MKRN2OS: variants seen among roughly 807,000 people sequenced by gnomAD.
MKRN2OS encodes the protein MKRN2 opposite strand protein.
Under a neutral mutation model 18.2 loss-of-function variants are expected in MKRN2OS, and 17 were observed. That is an observed-to-expected ratio of 0.93 (90% CI 0.64 to 1.40). The LOEUF is 1.40. MKRN2OS is among the 40% of genes most tolerant of loss of function. The probability of loss-of-function intolerance (pLI) is 0.00; values close to 1 mark genes in which losing one functional copy is unlikely to be tolerated. For missense variants in MKRN2OS, 337 were observed against 283.0 expected, an observed-to-expected ratio of 1.19 and a Z score of -1.37; for synonymous variants, 121 against 108.5, an observed-to-expected ratio of 1.12 and a Z score of -0.72.
intron 1 of MKRN2OS, chr3:12,557,070 T>TGGGCC (rs2057979102): frequency 7.7e-7 from 1 of 1,306,134 alleles, no homozygotes; most frequent in African/African-American, 1.5e-5. Context: ...CTACGCGGGA[T>TGGGCC]GGGCCGGGCC....
At chr3:12,545,021 C>T (rs1004825652) in intron 1 of MKRN2OS, among the ~76,000 whole-genome samples, 3 of 151,182 alleles carry the variant, frequency 2.0e-5, no homozygotes, top group African/African-American at 7.3e-5. Context: ...CAGGTTTACT[C>T]TTCATATATT....
At chr3:12,543,121 A>G in intron 2 of MKRN2OS, 59 bp downstream of exon 2, 1 of 1,391,484 alleles carries the variant, frequency 7.2e-7, no homozygotes, top group African/African-American at 1.4e-5. Flanking sequence ...AATCTCCACA[A>G]ATACTGCTTT....
upstream of MKRN2OS, among the ~76,000 whole-genome samples, chr3:12,547,592 T>G (rs1474959997): frequency 6.6e-6 from 1 of 152,092 alleles, no homozygotes; most frequent in Non-Finnish European, 1.5e-5. Flanking sequence ...GAAATTTGTG[T>G]TTTTGCCTCA....
intron 1 of MKRN2OS, among the ~76,000 whole-genome samples, chr3:12,556,186 GT>G (rs1408702747): frequency 6.6e-6 from 1 of 152,104 alleles, no homozygotes; most frequent in Non-Finnish European, 1.5e-5. Context: ...CAGAAGACCA[GT>G]TAAAAGGCTA....
chr3:12,557,055 C>G, intron 1 of MKRN2OS: 4 of 1,179,928 alleles, frequency 3.4e-6, no homozygotes, highest in Non-Finnish European at 4.4e-6. Flanking sequence ...GCCGGCGTGA[C>G]GCGGCTACGC....
chr3:12,542,553 GTGCCTCACC>G, intron 2 of MKRN2OS, among the ~76,000 whole-genome samples: 2 of 151,938 alleles, frequency 1.3e-5, no homozygotes, highest in African/African-American at 4.8e-5. Context: ...GCCTGGGTAG[GTGCCTCACC>G]TGCCTCACCA....
At chr3:12,552,778 T>C (rs1214876442), downstream of MKRN2OS, among the ~76,000 whole-genome samples, 1 of 151,858 alleles carries the variant, frequency 6.6e-6, no homozygotes, top group African/African-American at 2.4e-5. Flanking sequence ...ATCCTAGCAC[T>C]TTGGGAGGCC....
upstream of MKRN2OS, among the ~76,000 whole-genome samples, chr3:12,548,384 C>G (rs9861662): frequency 1.2e-4 from 18 of 144,932 alleles, no homozygotes; most frequent in African/African-American, 1.7e-4. Flanking sequence ...GGAGGCGGAG[C>G]TTGCAGTGAG....
intron 1 of MKRN2OS, among the ~76,000 whole-genome samples, chr3:12,555,355 T>A (rs1228974894): frequency 1.3e-5 from 2 of 149,210 alleles, no homozygotes. Flanking sequence ...TGAGCATGAA[T>A]TGCATGGATC....
chr3:12,551,352 G>A (rs144260800), downstream of MKRN2OS, among the ~76,000 whole-genome samples: 36 of 151,832 alleles, frequency 2.4e-4, no homozygotes, highest in African/African-American at 7.2e-4. Context: ...AAATTAGCCC[G>A]GGTGTGATGG....
intron 1 of MKRN2OS, 48 bp from the exon 2 acceptor site, chr3:12,543,277 T>C (rs2057841111): frequency 6.8e-7 from 1 of 1,478,248 alleles, no homozygotes. Flanking sequence ...GTATTTGGCA[T>C]GAAGAATTGG....
At chr3:12,549,209 C>G (rs541910244), upstream of MKRN2OS, among the ~76,000 whole-genome samples, 1 of 152,058 alleles carries the variant, frequency 6.6e-6, no homozygotes, top group African/African-American at 2.4e-5. Context: ...TCCCAAAGTG[C>G]TGGGATTACA....
At chr3:12,547,862 T>C (rs2057897743), upstream of MKRN2OS, among the ~76,000 whole-genome samples, 1 of 152,168 alleles carries the variant, frequency 6.6e-6, no homozygotes, top group Admixed American at 6.5e-5. Flanking sequence ...TCTCCAGTGT[T>C]ATAACATGAG....
chr3:12,552,419 T>TA (rs1313090353), downstream of MKRN2OS, among the ~76,000 whole-genome samples: 2 of 150,470 alleles, frequency 1.3e-5, no homozygotes, highest in Non-Finnish European at 3.0e-5. Context: ...TTTTAATTTT[T>TA]TTTTTTTTTT....
At chr3:12,548,461 AAAAAAAAAAAAAAAAAAAAAAC>A (rs1182827308), upstream of MKRN2OS, among the ~76,000 whole-genome samples, 1 of 42,006 alleles carries the variant, frequency 2.4e-5, no homozygotes, top group Non-Finnish European at 4.3e-5. Context: ...AAAAAAAAAA[AAAAAAAAAAAAAAAAAAAAAAC>A]CAGCCGAGCG....
intron 1 of MKRN2OS, among the ~76,000 whole-genome samples, chr3:12,559,650 G>A (rs143131513): frequency 6.6e-6 from 1 of 152,078 alleles, no homozygotes; most frequent in Non-Finnish European, 1.5e-5. Context: ...TGCCTGGAGT[G>A]GTAAAAATGA....
intron 1 of MKRN2OS, among the ~76,000 whole-genome samples, chr3:12,558,507 C>T (rs1053503783): frequency 1.3e-5 from 2 of 152,154 alleles, no homozygotes; most frequent in African/African-American, 4.8e-5. Flanking sequence ...TCCCGTACCT[C>T]ATCTAAGAAG....
In MKRN2OS at chr3:12,539,878, C is replaced by T. The variant is rs1421977421; in HGVS notation, c.*315G>A. The T allele has an allele frequency of 2.9e-5, 9 of 312,500 alleles. No individual in the cohort carries two copies. The highest frequency in any genetic ancestry group is 2.7e-4 in the East Asian group (4 of 14,894). 19.4% of individuals were successfully genotyped at this position (312,500 alleles called of 1,614,324 possible). A position where few individuals can be genotyped will look rare whatever the true frequency, so the allele number is the denominator to read the frequency against. ...TCAACTCATCCCAACCTCCGCCTCC[C>T]GGGTTCAAGCGATTCTCCTGCTTCA... On this transcript the variant is annotated 3_prime_UTR_variant, in exon 4 of 4. Transcript: ENST00000564146.
downstream of MKRN2OS, among the ~76,000 whole-genome samples, chr3:12,551,821 G>A (rs752219024): frequency 2.6e-5 from 4 of 151,922 alleles, no homozygotes; most frequent in Non-Finnish European, 5.9e-5. Context: ...GCACATGGCT[G>A]TAGTCCCAGC....
Sources: gnomAD v4.1 joint callset for allele counts (sites outside exome capture counted in the v4.1 genomes callset) on GRCh38, gnomAD v4.1.1 for gene constraint, MANE v1.5 for transcripts, NCBI Gene and HGNC (gene_info 2026-07-23, HGNC 2026-07-21) for gene names.